The following MTAP variants were observed in gnomAD, a reference collection of about 807,000 sequenced individuals.
MTAP encodes the protein S-methyl-5'-thioadenosine phosphorylase.
MTAP carries 33 observed loss-of-function variants against 33.6 expected under a neutral mutation model. The ratio of observed to expected loss-of-function variants is 0.98; its 90% CI spans 0.74 to 1.31. The LOEUF (loss-of-function observed/expected upper bound fraction) is 1.31, where lower values mean the gene tolerates loss of function less well. Ranked by LOEUF, MTAP falls within the 40% of genes most tolerant of loss-of-function variation. The pLI is 0.00. For synonymous variants in MTAP, 148 were observed against 125.7 expected, an observed-to-expected ratio of 1.18 and a Z score of -1.19; for missense variants, 367 against 360.0, an observed-to-expected ratio of 1.02 and a Z score of -0.16.
chr9:21,897,735 C>T (rs1818320116), intron 1 of MTAP, among the ~76,000 whole-genome samples: 1 of 152,024 alleles, frequency 6.6e-6, no homozygotes, highest in Non-Finnish European at 1.5e-5. Flanking sequence ...TAAAAGAGGA[C>T]ACAAACAAAT....
At chr9:21,900,910 G>A (rs1377415192) in intron 1 of MTAP, among the ~76,000 whole-genome samples, 2 of 152,120 alleles carry the variant, frequency 1.3e-5, no homozygotes, top group African/African-American at 4.8e-5. Context: ...GTAAACTAAC[G>A]CAAGAACAGA....
chr9:21,890,192 C>G (rs1168473003), intron 1 of MTAP, among the ~76,000 whole-genome samples: 4 of 152,016 alleles, frequency 2.6e-5, no homozygotes, highest in Non-Finnish European at 1.5e-5. Flanking sequence ...GGCTGCCTCT[C>G]CTGCATCATA....
At chr9:21,912,457 G>A (rs558745885) in intron 1 of MTAP, among the ~76,000 whole-genome samples, 14 of 152,290 alleles carry the variant, frequency 9.2e-5, no homozygotes, top group Admixed American at 5.2e-4. Flanking sequence ...CTTCATCCCT[G>A]GGATGCAAGG....
chr9:21,854,696 C>G lies in MTAP; in HGVS notation c.516C>G (p.Ile172Met). 1 of 1,613,910 alleles carries G rather than the reference C, an allele frequency of 6.2e-7. No individual in the cohort carries two copies. Among genetic ancestry groups the G allele is most frequent in the Non-Finnish European group, 8.5e-7 (1 of 1,179,866 alleles). ...RCHSKGTMVT[I>M]EGPRFSSRAE... ...ACTCAAAGGGGACAATGGTCACAAT[C>G]GAGGGACCTCGTTTTAGCTCCCGGG... The change falls in exon 6 of 8, where the codon ATC becomes ATG. Residue 172 changes from isoleucine (I) to methionine (M), a missense_variant. Ile to Met is a conservative substitution (Grantham distance 10, BLOSUM62 1). Coordinates refer to ENST00000644715, the MANE Select transcript of MTAP (RefSeq NM_002451.4).
At chr9:21,935,335 T>G (rs1819024630), downstream of MTAP, 1 of 152,086 alleles carries the variant, frequency 6.6e-6, no homozygotes, top group Non-Finnish European at 1.5e-5. Context: ...AACAGTTTAT[T>G]TGGGCCAAAT....
intron 6 of MTAP, among the ~76,000 whole-genome samples, chr9:21,858,308 A>G (rs73649995): frequency 0.029 from 4,468 of 152,234 alleles, 215 homozygotes; most frequent in African/African-American, 0.1. Flanking sequence ...CCGATACCAT[A>G]TTGAAATCTG....
chr9:21,870,088 A>G (rs1297753527), downstream of MTAP, among the ~76,000 whole-genome samples: 1 of 152,152 alleles, frequency 6.6e-6, no homozygotes, highest in Non-Finnish European at 1.5e-5. Context: ...CTCCCAGCAG[A>G]TAACCACCTG....
intron 1 of MTAP, among the ~76,000 whole-genome samples, chr9:21,882,371 T>C (rs1274742793): frequency 2.0e-5 from 3 of 152,018 alleles, no homozygotes; most frequent in Non-Finnish European, 2.9e-5. Flanking sequence ...AGTTTTATTC[T>C]CAAAATTGTA....
chr9:21,802,708 C>T lies in MTAP; in HGVS notation c.-41C>T. ...CTGTGGCTCGCTTGGTTCCCTTAGT[C>T]CCGAGCGCTCGCCCACTGCAGATTC... On this transcript the variant is annotated 5_prime_UTR_variant, in exon 1 of 8. Transcript: ENST00000644715. 6.2e-7 allele frequency: 1 copy of T among 1,604,482 alleles called. No individual in the cohort carries two copies. The highest frequency in any genetic ancestry group is 8.5e-7 in the Non-Finnish European group (1 of 1,176,204).
chr9:21,928,974 A>G (rs1430967785), intron 1 of MTAP, among the ~76,000 whole-genome samples: 1 of 151,832 alleles, frequency 6.6e-6, no homozygotes, highest in Non-Finnish European at 1.5e-5. Flanking sequence ...TTAAAAACAA[A>G]CCCAACGTCG....
intron 4 of MTAP, among the ~76,000 whole-genome samples, chr9:21,835,244 A>G (rs1028291748): frequency 6.6e-6 from 1 of 152,112 alleles, no homozygotes; most frequent in Admixed American, 6.5e-5. Flanking sequence ...ATACCATCAC[A>G]TCTTGTGAGT....
At chr9:21,848,881 G>A (rs1000196806) in intron 5 of MTAP, among the ~76,000 whole-genome samples, 1 of 152,150 alleles carries the variant, frequency 6.6e-6, no homozygotes, top group African/African-American at 2.4e-5. Context: ...GCACTCAGCT[G>A]TCAAAGGCAA....
chr9:21,821,835 A>G (rs143366195), intron 4 of MTAP, among the ~76,000 whole-genome samples: 90 of 152,234 alleles, frequency 5.9e-4, no homozygotes, highest in South Asian at 1.5e-3. Flanking sequence ...CAGGGATTCA[A>G]TTTCTTCCTG....
In MTAP at chr9:21,837,939, G is replaced by A. The variant is rs905429911; in HGVS notation, c.379G>A (p.Gly127Arg). The A allele has an allele frequency of 1.2e-6, 2 of 1,614,086 alleles. No homozygotes were observed. Among genetic ancestry groups the A allele is most frequent in the South Asian group, 2.2e-5 (2 of 91,066 alleles). The change falls in exon 5 of 8, where the codon GGA becomes AGA. Residue 127 changes from glycine to arginine, a missense_variant. Physicochemically the swap from Gly to Arg is moderately radical, Grantham distance 125 (BLOSUM62 -2). Transcript: ENST00000644715. ...TATGAGACCTCAGTCCTTCTATGAT[G>A]GAAGTCATTCTTGTGCCAGAGGAGT... ...TTMRPQSFYD[G>R]SHSCARGVCH...
At chr9:21,890,762 C>G (rs958433019) in intron 1 of MTAP, among the ~76,000 whole-genome samples, 2 of 152,186 alleles carry the variant, frequency 1.3e-5, no homozygotes, top group African/African-American at 4.8e-5. Flanking sequence ...GATGGACCTT[C>G]CCCCTGACAC....
chr9:21,901,897 ATTTG>A (rs1459779693), intron 1 of MTAP, among the ~76,000 whole-genome samples: 1 of 152,230 alleles, frequency 6.6e-6, no homozygotes, highest in East Asian at 1.9e-4. Flanking sequence ...CAAGTTCCAA[ATTTG>A]TTTGAGTTTT....
intron 1 of MTAP, among the ~76,000 whole-genome samples, chr9:21,921,053 CT>C (rs749518699): frequency 7.9e-5 from 12 of 152,130 alleles, no homozygotes; most frequent in Non-Finnish European, 1.5e-4. Context: ...TAATGGGAGA[CT>C]TTTTATTACA....
Position 21,895,352 on chromosome 9 carries a change from C to G in MTAP, c.148-35656C>G, listed in dbSNP as rs542780529. 2.0e-4 allele frequency among the ~76,000 whole-genome samples: 30 copies of G among 152,240 alleles called. No individual in the cohort carries two copies. The South Asian group carries it at 5.2e-3, about 26-fold the overall frequency. ...TTTTCATACTGCTATAAAGAACTGC[C>G]CCAAGGTTCCAAGATGGCTGAATAG... On this transcript the variant is annotated intron_variant, in intron 1 of 1. Transcript: ENST00000577563.
intron 1 of MTAP, among the ~76,000 whole-genome samples, chr9:21,914,321 C>T (rs1818638072): frequency 6.6e-6 from 1 of 152,140 alleles, no homozygotes; most frequent in African/African-American, 2.4e-5. Context: ...GTTATACAGA[C>T]ACATGCACAC....
Sources: gnomAD v4.1 joint callset for allele counts (sites outside exome capture counted in the v4.1 genomes callset) on GRCh38, gnomAD v4.1.1 for gene constraint, MANE v1.5 for transcripts, NCBI Gene and HGNC (gene_info 2026-07-23, HGNC 2026-07-21) for gene names.